Variants in CNBD1 observed in about 807,000 individuals in gnomAD.
The protein encoded by CNBD1 is cyclic nucleotide-binding domain-containing protein 1.
In CNBD1, 71 loss-of-function variants were observed where a neutral mutation model predicts 54.4. That is an observed-to-expected ratio of 1.30 (90% confidence interval 1.08 to 1.59). CNBD1 has a LOEUF of 1.59. Ranked by LOEUF, CNBD1 falls within the 40% of genes most tolerant of loss-of-function variation. The pLI is 0.00. For synonymous variants in CNBD1, 182 were observed against 170.7 expected (o/e 1.07, Z -0.51); for missense variants, 659 against 518.0 (o/e 1.27, Z -2.64).
At chr8:87,118,994 A>G (rs1308793395) in intron 4 of CNBD1, among the ~76,000 whole-genome samples, 2 of 152,232 alleles carry the variant, frequency 1.3e-5, no homozygotes. Context: ...CATAAGCTCT[A>G]TCATTTATGC....
intron 4 of CNBD1, among the ~76,000 whole-genome samples, chr8:87,185,900 A>G (rs1813465619): frequency 6.6e-6 from 1 of 152,088 alleles, no homozygotes; most frequent in Admixed American, 6.6e-5. Context: ...AATTAAGGAA[A>G]CTGTCTGGAT....
chr8:87,303,251 A>G (rs1343688029), intron 8 of CNBD1, among the ~76,000 whole-genome samples: 1 of 151,470 alleles, frequency 6.6e-6, no homozygotes, highest in Non-Finnish European at 1.5e-5. Context: ...ACAAGGCTAC[A>G]GTAACCAAAA....
chr8:86,975,490 T>C (rs1391209049), intron 4 of CNBD1, among the ~76,000 whole-genome samples: 2 of 152,120 alleles, frequency 1.3e-5, no homozygotes. Context: ...ATTTAACTTT[T>C]TGTGCCTGGT....
At position 87,199,222 on chromosome 8, in the gene CNBD1, A is replaced by T. The variant is rs78787854; in HGVS notation, c.432-6771A>T. ...CAATGGCAATGGTGTCTCAACACGT[A>T]CAGAATGAGAGAAAGTGCCACAAAA... On this transcript the variant is annotated intron_variant, in intron 4 of 10. Coordinates refer to ENST00000518476, the MANE Select transcript of CNBD1 (RefSeq NM_173538.3). Among the ~76,000 whole-genome samples the T allele has an allele frequency of 8.3e-4, 127 of 152,354 alleles. 1 individual carries two copies. Among genetic ancestry groups the T allele is most frequent in the African/African-American group, 2.9e-3 (121 of 41,590 alleles).
intron 4 of CNBD1, among the ~76,000 whole-genome samples, chr8:87,132,231 T>A (rs914101180): frequency 1.3e-5 from 2 of 151,876 alleles, no homozygotes; most frequent in Non-Finnish European, 2.9e-5. Context: ...ATACATATAA[T>A]TAATGGCACT....
chr8:87,358,781 G>A (rs758181691), intron 10 of CNBD1, among the ~76,000 whole-genome samples: 8 of 152,234 alleles, frequency 5.3e-5, no homozygotes, highest in Non-Finnish European at 1.2e-4. Context: ...CTTGAAAACT[G>A]GAGAGGGCAG....
chr8:87,132,818 T>C (rs569518230), intron 4 of CNBD1, among the ~76,000 whole-genome samples: 25 of 148,368 alleles, frequency 1.7e-4, no homozygotes, highest in Admixed American at 2.7e-4. Flanking sequence ...CATATATATA[T>C]ACACACACAT....
At chr8:86,927,219 A>G (rs767751402) in intron 3 of CNBD1, among the ~76,000 whole-genome samples, 9 of 152,130 alleles carry the variant, frequency 5.9e-5, no homozygotes, top group Non-Finnish European at 1.2e-4. Context: ...GTGGCTCTGT[A>G]TTCTATTTTC....
chr8:87,157,096 A>T (rs1220006295), intron 4 of CNBD1, among the ~76,000 whole-genome samples: 1 of 152,172 alleles, frequency 6.6e-6, no homozygotes, highest in African/African-American at 2.4e-5. Context: ...AATGAAGCAG[A>T]TGTACAAGCA....
intron 4 of CNBD1, among the ~76,000 whole-genome samples, chr8:86,996,574 C>A (rs1808874421): frequency 6.6e-6 from 1 of 152,162 alleles, no homozygotes; most frequent in Non-Finnish European, 1.5e-5. Context: ...TTTACACTTT[C>A]TGTTTCCAGT....
rs75403798 is a variant in CNBD1 at position 87,276,143 on chromosome 8, G to A, written c.772-8535G>A. Reference sequence around the variant, plus strand: ...ACGTATATATAGTATAGGCATTGGAGAGTCTTTGTTACTAATACATTGATA... The same window carrying A: ...ACGTATATATAGTATAGGCATTGGAAAGTCTTTGTTACTAATACATTGATA... On this transcript the variant is annotated intron_variant, in intron 6 of 10. Coordinates refer to ENST00000518476, the MANE Select transcript of CNBD1 (RefSeq NM_173538.3). Among the ~76,000 whole-genome samples, 1,140 of 151,978 alleles carry A rather than the reference G, an allele frequency of 7.5e-3. 11 individuals carry two copies. Among genetic ancestry groups the A allele is most frequent in the African/African-American group, 0.026 (1,089 of 41,494 alleles).
intron 4 of CNBD1, among the ~76,000 whole-genome samples, chr8:87,021,232 T>A (rs1809481895): frequency 6.6e-6 from 1 of 152,238 alleles, no homozygotes; most frequent in Non-Finnish European, 1.5e-5. Context: ...ATAAATCTCT[T>A]CAAATATTTT....
chr8:87,199,454 A>G (rs1412326161), intron 4 of CNBD1, among the ~76,000 whole-genome samples: 6 of 152,190 alleles, frequency 3.9e-5, no homozygotes, highest in Non-Finnish European at 8.8e-5. Context: ...TCTTGCAGCC[A>G]TTACCAAAAT....
At chr8:86,975,407 A>T (rs543723977) in intron 4 of CNBD1, among the ~76,000 whole-genome samples, 1 of 151,676 alleles carries the variant, frequency 6.6e-6, no homozygotes, top group South Asian at 2.1e-4. Flanking sequence ...TTCAGCTTCC[A>T]GTGACCACCA....
chr8:87,209,541 G>T (rs148558421), intron 5 of CNBD1, among the ~76,000 whole-genome samples: 165 of 152,100 alleles, frequency 1.1e-3, no homozygotes, highest in African/African-American at 3.8e-3. Flanking sequence ...TAAATAGAAA[G>T]CTGTGCTTTC....
At chr8:87,298,490 T>TC (rs1258479383) in intron 8 of CNBD1, among the ~76,000 whole-genome samples, 44 of 146,060 alleles carry the variant, frequency 3.0e-4, no homozygotes, top group Non-Finnish European at 1.5e-4. Flanking sequence ...TTTTCCCTCT[T>TC]TTTTTTTTTT....
chr8:87,401,796 G>C (rs551882679), intron 2 of CNBD1, among the ~76,000 whole-genome samples: 3 of 151,984 alleles, frequency 2.0e-5, no homozygotes, highest in Non-Finnish European at 2.9e-5. Flanking sequence ...TTGAGTTCCT[G>C]ATATCAATTA....
At chr8:86,896,515 T>A (rs1242498011) in intron 2 of CNBD1, among the ~76,000 whole-genome samples, 1 of 152,196 alleles carries the variant, frequency 6.6e-6, no homozygotes, top group Non-Finnish European at 1.5e-5. Flanking sequence ...TACAGATCTT[T>A]CACCTTCTTG....
intron 8 of CNBD1, among the ~76,000 whole-genome samples, chr8:87,320,612 G>T (rs1219172537): frequency 4.6e-5 from 6 of 131,766 alleles, no homozygotes; most frequent in Admixed American, 7.4e-5. Flanking sequence ...ATGTGCACGT[G>T]TGTGTGTGGG....
Sources: allele counts gnomAD v4.1 joint callset (sites outside exome capture counted in the v4.1 genomes callset), GRCh38; gene constraint gnomAD v4.1.1; transcripts MANE v1.5; gene names NCBI Gene and HGNC (gene_info 2026-07-23, HGNC 2026-07-21).